The following DISC1 variants were observed in gnomAD, a reference collection of about 807,000 sequenced individuals.
DISC1 encodes the protein DISC1 scaffold protein.
In DISC1, 57 loss-of-function variants were observed where a neutral mutation model predicts 84.5. The observed-to-expected ratio is 0.67, with a 90% CI of 0.55 to 0.84. The LOEUF (loss-of-function observed/expected upper bound fraction) is 0.84, where lower values mean the gene tolerates loss of function less well. Among genes scored for constraint, DISC1 ranks in the 40% least tolerant of loss-of-function variants. The pLI is 0.00. For missense variants in DISC1, 1,000 were observed against 1,057.8 expected (o/e 0.95, Z 0.76); for synonymous variants, 411 against 415.2 (o/e 0.99, Z 0.12).
chr1:231,716,316 C>CAAAAAAAAAAAAAAAAAA (rs397861600), intron 3 of DISC1, among the ~76,000 whole-genome samples: 1 of 82,760 alleles, frequency 1.2e-5, no homozygotes, highest in Non-Finnish European at 2.4e-5. Flanking sequence ...TTTCAATCTG[C>CAAAAAAAAAAAAAAAAAA]AAAAAAAAAA....
intron 1 of DISC1, among the ~76,000 whole-genome samples, chr1:231,642,564 T>G: frequency 6.6e-6 from 1 of 152,234 alleles, no homozygotes; most frequent in East Asian, 1.9e-4. Flanking sequence ...TAACAACACA[T>G]ATAGGTAGGC....
chr1:231,860,138 G>T (rs1401956140), intron 9 of DISC1, among the ~76,000 whole-genome samples: 1 of 152,166 alleles, frequency 6.6e-6, no homozygotes, highest in East Asian at 1.9e-4. Context: ...TTTCATATTT[G>T]CAAAGTAAAT....
At chr1:231,791,856 A>G (rs2078377324) in intron 6 of DISC1, among the ~76,000 whole-genome samples, 1 of 152,212 alleles carries the variant, frequency 6.6e-6, no homozygotes, top group African/African-American at 2.4e-5. Flanking sequence ...TGGGGACCAC[A>G]GTGTGATGGC....
At chr1:231,629,154 A>C (rs1349748734) in intron 1 of DISC1, among the ~76,000 whole-genome samples, 2 of 152,220 alleles carry the variant, frequency 1.3e-5, no homozygotes, top group East Asian at 3.8e-4. Flanking sequence ...ACTTTAAACT[A>C]TCTTCTTGTA....
At chr1:231,666,589 A>T (rs2062043508) in intron 1 of DISC1, among the ~76,000 whole-genome samples, 1 of 152,210 alleles carries the variant, frequency 6.6e-6, no homozygotes, top group Non-Finnish European at 1.5e-5. Context: ...ATGCAAAATA[A>T]GCTGAGAGAA....
intron 8 of DISC1, among the ~76,000 whole-genome samples, chr1:231,815,568 C>G (rs1210729713): frequency 2.0e-5 from 3 of 152,034 alleles, no homozygotes; most frequent in Admixed American, 2.0e-4. Context: ...GAAACCCCGG[C>G]TCTACTAAAA....
chr1:231,741,611 C>A (rs1204897446), intron 3 of DISC1, among the ~76,000 whole-genome samples: 1 of 152,074 alleles, frequency 6.6e-6, no homozygotes, highest in Non-Finnish European at 1.5e-5. Flanking sequence ...TCAAGGAGAA[C>A]CTGCCTGTGC....
intron 8 of DISC1, among the ~76,000 whole-genome samples, chr1:231,808,542 G>C (rs1405464761): frequency 6.6e-6 from 1 of 152,218 alleles, no homozygotes; most frequent in Non-Finnish European, 1.5e-5. Context: ...GCTAAACTGA[G>C]GTTCCAGTCC....
chr1:231,703,700 AC>A (rs1339411155), intron 3 of DISC1, among the ~76,000 whole-genome samples: 2 of 152,122 alleles, frequency 1.3e-5, no homozygotes, highest in Non-Finnish European at 2.9e-5. Flanking sequence ...ATTCCGCAAC[AC>A]CTAAGGGAAT....
chr1:231,997,209 A>T (rs141822326), intron 10 of DISC1, among the ~76,000 whole-genome samples: 1 of 152,232 alleles, frequency 6.6e-6, no homozygotes, highest in Non-Finnish European at 1.5e-5. Flanking sequence ...CAGGGTGCAC[A>T]TACTCTGTCC....
chr1:231,716,110 C>A (rs2068666966), intron 3 of DISC1, among the ~76,000 whole-genome samples: 1 of 152,080 alleles, frequency 6.6e-6, no homozygotes, highest in African/African-American at 2.4e-5. Flanking sequence ...TTATTTGCTG[C>A]CTTTTCTTTT....
At chr1:231,633,884 C>CTTT (rs547057206) in intron 1 of DISC1, among the ~76,000 whole-genome samples, 12 of 135,430 alleles carry the variant, frequency 8.9e-5, no homozygotes, top group South Asian at 4.7e-4. Flanking sequence ...TACCTGTCAT[C>CTTT]TTTTTTTTTT....
rs201198022 is a variant in DISC1, at chr1:232,039,405, T to C, written c.*2574T>C. 2.6e-5 allele frequency: 4 copies of C among 152,194 alleles called. No individual in the cohort carries two copies. Among genetic ancestry groups the C allele is most frequent in the Admixed American group, 1.3e-4 (2 of 15,280 alleles). The allele number at this position is 152,194 out of a possible 1,614,324, so 9.4% of individuals were successfully genotyped here. A position where few individuals can be genotyped will look rare whatever the true frequency, so the allele number is the denominator to read the frequency against. ...AAATTCTGCAAGTTAATAACTGCCT[T>C]GAATTGTTTGAACCCGAAATAAGGG... is the stretch of plus-strand genomic sequence containing the variant. On this transcript the variant is annotated 3_prime_UTR_variant, in exon 13 of 13. Transcript: ENST00000439617.
chr1:231,648,539 C>T (rs934701410), intron 1 of DISC1, among the ~76,000 whole-genome samples: 1 of 152,102 alleles, frequency 6.6e-6, no homozygotes, highest in African/African-American at 2.4e-5. Context: ...GTGTCTCTGC[C>T]AGGCTTTGGT....
At chr1:231,641,394 G>A (rs2059653834) in intron 1 of DISC1, among the ~76,000 whole-genome samples, 3 of 152,012 alleles carry the variant, frequency 2.0e-5, no homozygotes, top group Admixed American at 2.0e-4. Flanking sequence ...CTCTTAAGGC[G>A]GCGCGTCTGG....
chr1:232,040,652 T>A lies in DISC1; in HGVS notation c.*3821T>A, dbSNP rs557078129. ...TTCCTTTAATGTCCTTTTGAGATTT[T>A]GAGCCATGGAACTTACTTGTTCACC... On this transcript the variant is annotated 3_prime_UTR_variant, in exon 13 of 13. Transcript: ENST00000439617. 1 of 152,342 alleles carries A rather than the reference T, an allele frequency of 6.6e-6. No individual in the cohort carries two copies. Among genetic ancestry groups the A allele is most frequent in the Admixed American group, 6.5e-5 (1 of 15,298 alleles). The allele number at this position is 152,342 out of a possible 1,614,324, so 9.4% of individuals were successfully genotyped here.
intron 12 of DISC1, among the ~76,000 whole-genome samples, chr1:232,034,669 G>A (rs1670353429): frequency 6.6e-6 from 1 of 152,172 alleles, no homozygotes; most frequent in Admixed American, 6.5e-5. Flanking sequence ...ATAGTGGCAT[G>A]TAGTCCCAGG....
intron 3 of DISC1, among the ~76,000 whole-genome samples, chr1:231,732,954 G>A (rs1035880253): frequency 2.6e-5 from 4 of 152,236 alleles, no homozygotes; most frequent in Non-Finnish European, 5.9e-5. Context: ...AGAAGCAGTG[G>A]TAGTGGTGAT....
At chr1:231,853,276 A>G (rs1404681461) in intron 9 of DISC1, among the ~76,000 whole-genome samples, 1 of 152,240 alleles carries the variant, frequency 6.6e-6, no homozygotes, top group Non-Finnish European at 1.5e-5. Flanking sequence ...TGTTGGGGAT[A>G]CGTTATGAGA....
Sources: gnomAD v4.1 joint callset for allele counts (sites outside exome capture counted in the v4.1 genomes callset) on GRCh38, gnomAD v4.1.1 for gene constraint, MANE v1.5 for transcripts, NCBI Gene and HGNC (gene_info 2026-07-23, HGNC 2026-07-21) for gene names.